Variants in RGS17 observed in about 807,000 individuals in gnomAD.
RGS17 encodes the protein regulator of G protein signaling 17, also known as regulator of G-protein signaling 17.
In RGS17, 12 loss-of-function variants were observed where a neutral mutation model predicts 25.5. The observed-to-expected ratio is 0.47, with a 90% CI of 0.30 to 0.76. The LOEUF (loss-of-function observed/expected upper bound fraction) is 0.76. RGS17 is among the 30% of genes least tolerant of loss of function. RGS17 has a pLI of 0.07. For synonymous variants in RGS17, 71 were observed against 76.9 expected (o/e 0.92, Z 0.40); for missense variants, 196 against 242.2 (o/e 0.81, Z 1.27).
At chr6:153,086,575 A>G (rs193263998) in intron 1 of RGS17, among the ~76,000 whole-genome samples, 15 of 152,340 alleles carry the variant, frequency 9.8e-5, no homozygotes, top group Admixed American at 8.5e-4. Context: ...CTTACACACC[A>G]TTATTACTAT....
In RGS17 at chr6:153,011,298, G is replaced by A; in HGVS notation, c.*276C>T. ...TGCAGTCTCTGGAGATACACGAGGA[G>A]ACTGTTCATAGGACTACAAATACAC... On this transcript the variant is annotated 3_prime_UTR_variant, in exon 5 of 5. Transcript: ENST00000206262. 3.0e-6 allele frequency: 1 copy of A among 336,890 alleles called. No homozygotes were observed. The highest frequency in any genetic ancestry group is 6.2e-5 in the East Asian group (1 of 16,076). The allele number at this position is 336,890 out of a possible 1,614,324, so 20.9% of individuals were successfully genotyped here.
At chr6:153,043,728 T>C (rs550993241) in intron 2 of RGS17, among the ~76,000 whole-genome samples, 172 bp downstream of exon 2, 2 of 152,290 alleles carry the variant, frequency 1.3e-5, no homozygotes, top group East Asian at 3.9e-4. Flanking sequence ...ATATATTTTG[T>C]TTGTGAAAGT....
intron 2 of RGS17, among the ~76,000 whole-genome samples, chr6:153,028,917 T>G (rs1779331596): frequency 6.6e-6 from 1 of 152,178 alleles, no homozygotes; most frequent in African/African-American, 2.4e-5. Flanking sequence ...TTGAGAAATT[T>G]TTTTCTCCGT....
intron 2 of RGS17, among the ~76,000 whole-genome samples, chr6:153,035,808 G>T (rs1776232512): frequency 6.6e-6 from 1 of 152,138 alleles, no homozygotes; most frequent in Non-Finnish European, 1.5e-5. Context: ...AGCATATGGG[G>T]TCTTAGAGTC....
intron 1 of RGS17, among the ~76,000 whole-genome samples, chr6:153,124,435 C>A (rs951427112): frequency 6.6e-6 from 1 of 152,160 alleles, no homozygotes; most frequent in African/African-American, 2.4e-5. Flanking sequence ...CAAATACTGG[C>A]ACGAAATTAA....
chr6:153,033,976 G>C (rs75153169), intron 2 of RGS17, among the ~76,000 whole-genome samples: 2 of 152,102 alleles, frequency 1.3e-5, no homozygotes, highest in Non-Finnish European at 2.9e-5. Flanking sequence ...AATGGCATGC[G>C]ATCATTTGTG....
intron 3 of RGS17, among the ~76,000 whole-genome samples, chr6:153,025,417 C>T (rs182507062): frequency 1.3e-5 from 2 of 151,926 alleles, no homozygotes; most frequent in Non-Finnish European, 2.9e-5. Flanking sequence ...ATGACACTGA[C>T]ATTGGGGAAT....
intron 1 of RGS17, among the ~76,000 whole-genome samples, chr6:153,105,530 T>C (rs993638805): frequency 1.3e-5 from 2 of 152,118 alleles, no homozygotes; most frequent in Non-Finnish European, 2.9e-5. Context: ...CTATACCAAG[T>C]GTTCGCTGCT....
At chr6:153,101,471 C>T (rs759611463) in intron 1 of RGS17, among the ~76,000 whole-genome samples, 2 of 152,054 alleles carry the variant, frequency 1.3e-5, no homozygotes, top group Non-Finnish European at 2.9e-5. Flanking sequence ...TGTATGCTAC[C>T]GATTTAAAAG....
intron 1 of RGS17, among the ~76,000 whole-genome samples, chr6:153,059,140 A>C (rs940237118): frequency 4.6e-5 from 7 of 152,160 alleles, no homozygotes; most frequent in Non-Finnish European, 8.8e-5. Context: ...CTTCATGTTC[A>C]TAACATTTAT....
intron 1 of RGS17, among the ~76,000 whole-genome samples, chr6:153,092,716 A>G (rs967782959): frequency 2.6e-5 from 4 of 152,238 alleles, no homozygotes; most frequent in Non-Finnish European, 4.4e-5. Context: ...TCCTGGTTCA[A>G]TTTAGCCTGT....
At chr6:153,089,103 AGT>A (rs1777090532) in intron 1 of RGS17, among the ~76,000 whole-genome samples, 1 of 151,310 alleles carries the variant, frequency 6.6e-6, no homozygotes, top group Admixed American at 6.6e-5. Flanking sequence ...TTTTTCTTAT[AGT>A]GTGTCTTTTA....
intron 2 of RGS17, among the ~76,000 whole-genome samples, chr6:153,038,815 T>C (rs1219780235): frequency 6.6e-6 from 1 of 152,160 alleles, no homozygotes; most frequent in African/African-American, 2.4e-5. Flanking sequence ...AACAGGACAT[T>C]ATTTTTGCAC....
intron 2 of RGS17, among the ~76,000 whole-genome samples, chr6:153,042,043 G>C (rs1349381275): frequency 1.3e-5 from 2 of 152,124 alleles, no homozygotes; most frequent in African/African-American, 4.8e-5. Context: ...GATAGAGATG[G>C]GTGAGGATAA....
intron 2 of RGS17, among the ~76,000 whole-genome samples, chr6:153,043,487 T>TA (rs766892546): frequency 0.039 from 5,246 of 135,410 alleles, 370 homozygotes; most frequent in South Asian, 0.27. Flanking sequence ...AGCAGAGAAC[T>TA]AAAAAAAAAA....
intron 1 of RGS17, among the ~76,000 whole-genome samples, chr6:153,059,384 G>A (rs542316735): frequency 2.0e-5 from 3 of 152,166 alleles, no homozygotes; most frequent in Admixed American, 1.3e-4. Context: ...TATGCTAAAG[G>A]TCATCACATT....
At chr6:153,114,947 T>C (rs1027355561) in intron 1 of RGS17, among the ~76,000 whole-genome samples, 13 of 152,262 alleles carry the variant, frequency 8.5e-5, no homozygotes, top group African/African-American at 2.9e-4. Context: ...ATAAGAGCTA[T>C]TTATGACAAA....
At chr6:153,105,758 T>C (rs1174678357) in intron 1 of RGS17, among the ~76,000 whole-genome samples, 3 of 152,152 alleles carry the variant, frequency 2.0e-5, no homozygotes, top group Non-Finnish European at 4.4e-5. Context: ...CATTCATCAG[T>C]GTGGCTGAGG....
intron 1 of RGS17, among the ~76,000 whole-genome samples, chr6:153,054,063 TATACA>T (rs1776513856): frequency 1.9e-5 from 1 of 52,916 alleles, no homozygotes; most frequent in Admixed American, 2.9e-4. Context: ...ATATAATATA[TATACA>T]TATATATATA....
Sources: gnomAD v4.1 joint callset for allele counts (sites outside exome capture counted in the v4.1 genomes callset) on GRCh38, gnomAD v4.1.1 for gene constraint, MANE v1.5 for transcripts, NCBI Gene and HGNC (gene_info 2026-07-23, HGNC 2026-07-21) for gene names.